The following EDIL3 variants were observed in gnomAD, a reference collection of about 807,000 sequenced individuals.
EDIL3 encodes the protein EGF-like repeat and discoidin I-like domain-containing protein 3.
A neutral mutation model predicts 67.4 loss-of-function variants in EDIL3; 37 were observed. The observed-to-expected ratio is 0.55, with a 90% CI of 0.42 to 0.72. The LOEUF is 0.72. EDIL3 is among the 30% of genes least tolerant of loss of function. The pLI, the probability that EDIL3 is intolerant of heterozygous loss-of-function variation, is 0.00. For synonymous variants in EDIL3, 195 were observed against 196.3 expected, an observed-to-expected ratio of 0.99 and a Z score of 0.05; for missense variants, 527 against 586.3, an observed-to-expected ratio of 0.90 and a Z score of 1.04.
At chr5:84,085,710 G>A (rs1171043277) in intron 6 of EDIL3, among the ~76,000 whole-genome samples, 1 of 152,194 alleles carries the variant, frequency 6.6e-6, no homozygotes, top group African/African-American at 2.4e-5. Flanking sequence ...GCGCTGTGCT[G>A]GGAGAATCCC....
chr5:84,122,516 A>G (rs1157396003), intron 5 of EDIL3, among the ~76,000 whole-genome samples: 1 of 151,860 alleles, frequency 6.6e-6, no homozygotes, highest in Non-Finnish European at 1.5e-5. Context: ...CATGGAGAGT[A>G]TCTTTATTTC....
intron 5 of EDIL3, among the ~76,000 whole-genome samples, chr5:84,112,372 A>C (rs1021818436): frequency 2.0e-5 from 3 of 152,218 alleles, no homozygotes; most frequent in Non-Finnish European, 4.4e-5. Context: ...ACTAGTAATG[A>C]TTAGATGCAA....
rs367790675 is a variant in EDIL3, at chr5:84,180,432, T to G, written c.316A>C (p.Lys106Gln). The G allele has an allele frequency of 6.2e-7, 1 of 1,607,300 alleles. No individual in the cohort carries two copies. The highest frequency in any genetic ancestry group is 1.3e-5 in the African/African-American group (1 of 74,660). The change falls in exon 4 of 11, where the codon AAA (lysine) becomes CAA (glutamine). Residue 106 changes from lysine (K) to glutamine (Q), a missense_variant. By Grantham distance (53) the Lys-to-Gln change is moderately conservative (BLOSUM62 1). Around this residue, in one of 2 missense-constraint regions of EDIL3, gnomAD observed 494 missense variants for 522.5 expected, o/e 0.95. Coordinates refer to ENST00000296591, the MANE Select transcript of EDIL3 (RefSeq NM_005711.5). ...ATCCCATTAAATCCTCGGGGACATT[T>G]ACAAACATAGCCTATGAATGTATCC... ...RGDTFIGYVC[K>Q]CPRGFNGIHC...
At chr5:84,199,760 A>G (rs1580373404) in intron 3 of EDIL3, among the ~76,000 whole-genome samples, 1 of 152,016 alleles carries the variant, frequency 6.6e-6, no homozygotes, top group East Asian at 1.9e-4. Context: ...CGTGGGATTG[A>G]AGGGACTTTA....
At chr5:84,304,430 T>C (rs1417593578) in intron 1 of EDIL3, among the ~76,000 whole-genome samples, 1 of 152,192 alleles carries the variant, frequency 6.6e-6, no homozygotes, top group Non-Finnish European at 1.5e-5. Context: ...TTAGCTGACA[T>C]GCACGACGGA....
intron 10 of EDIL3, among the ~76,000 whole-genome samples, chr5:83,950,631 C>G (rs770938571): frequency 6.6e-6 from 1 of 151,770 alleles, no homozygotes; most frequent in Non-Finnish European, 1.5e-5. Flanking sequence ...CTGTTAGGTT[C>G]TACTCTCTCT....
At chr5:84,074,754 C>T (rs546626021) in intron 6 of EDIL3, among the ~76,000 whole-genome samples, 66 of 152,094 alleles carry the variant, frequency 4.3e-4, no homozygotes, top group Non-Finnish European at 6.9e-4. Flanking sequence ...GTTGGTGGGA[C>T]GGTAAACTAG....
At chr5:84,156,381 T>C (rs1268210836) in intron 4 of EDIL3, among the ~76,000 whole-genome samples, 1 of 152,184 alleles carries the variant, frequency 6.6e-6, no homozygotes, top group East Asian at 1.9e-4. Flanking sequence ...CATTTCAGAC[T>C]TTTCCAGATC....
intron 1 of EDIL3, among the ~76,000 whole-genome samples, chr5:84,350,383 A>G (rs1747330051): frequency 6.6e-6 from 1 of 152,040 alleles, no homozygotes; most frequent in Non-Finnish European, 1.5e-5. Flanking sequence ...GTATTCTTTG[A>G]TATATCTAGT....
chr5:83,960,818 GT>G (rs1274849118), intron 10 of EDIL3, among the ~76,000 whole-genome samples: 1 of 150,860 alleles, frequency 6.6e-6, no homozygotes, highest in Non-Finnish European at 1.5e-5. Flanking sequence ...AAAAATAGAT[GT>G]GACAAATAGG....
In EDIL3 at chr5:84,049,985, G is replaced by C. The variant is rs991087382; in HGVS notation, c.1137+10315C>G. Among the ~76,000 whole-genome samples the C allele has an allele frequency of 2.6e-5, 4 of 151,970 alleles. No homozygotes were observed. In the East Asian group the frequency reaches 7.8e-4, roughly 30 times the overall value. ...GAGGCCGAGACGGGTGGATCATGAG[G>C]TCAGGAGATCGAGACCATCCTGGCT... On this transcript the variant is annotated intron_variant, in intron 9 of 10. Transcript: ENST00000296591.
chr5:83,999,160 C>A (rs556756400), intron 9 of EDIL3, among the ~76,000 whole-genome samples: 4 of 152,082 alleles, frequency 2.6e-5, no homozygotes, highest in Non-Finnish European at 5.9e-5. Flanking sequence ...AATTGGAAAA[C>A]CTTCCTAAGA....
rs190102263 is a variant in EDIL3, at chr5:84,132,388, T to A, written c.469+4853A>T. On this transcript the variant is annotated intron_variant, in intron 5 of 10. Transcript: ENST00000296591. ...ATTATATATATTATATATAATATAT[T>A]TTATATATAATATATATTTTAACAT... Among the ~76,000 whole-genome samples the A allele has an allele frequency of 1.4e-3, 63 of 44,782 alleles. 1 individual carries two copies. Among genetic ancestry groups the A allele is most frequent in the African/African-American group, 3.6e-3 (41 of 11,452 alleles). The allele number at this position is 44,782 out of a possible 152,430, so 29.4% of individuals were successfully genotyped here. A position where few individuals can be genotyped will look rare whatever the true frequency, so the allele number is the denominator to read the frequency against.
chr5:84,342,893 T>C (rs1747154282), intron 1 of EDIL3, among the ~76,000 whole-genome samples: 1 of 152,112 alleles, frequency 6.6e-6, no homozygotes, highest in African/African-American at 2.4e-5. Flanking sequence ...AAAATCAAGC[T>C]CTTTGCCAGA....
At chr5:84,294,202 T>G (rs1745989511) in intron 1 of EDIL3, among the ~76,000 whole-genome samples, 1 of 151,430 alleles carries the variant, frequency 6.6e-6, no homozygotes, top group African/African-American at 2.4e-5. Flanking sequence ...GCTAACATGG[T>G]GAAACCCCGT....
intron 1 of EDIL3, among the ~76,000 whole-genome samples, chr5:84,296,877 AT>A (rs1483683469): frequency 6.6e-6 from 1 of 152,142 alleles, no homozygotes; most frequent in African/African-American, 2.4e-5. Context: ...ACTTAAGCAA[AT>A]TTTTAAGAAA....
intron 5 of EDIL3, among the ~76,000 whole-genome samples, chr5:84,112,936 T>TCATTTA (rs570001508): frequency 3.5e-4 from 54 of 152,278 alleles, no homozygotes; most frequent in African/African-American, 1.3e-3. Flanking sequence ...TAATTAAAAA[T>TCATTTA]CATTTACACT....
intron 6 of EDIL3, among the ~76,000 whole-genome samples, chr5:84,076,989 G>A (rs1746872352): frequency 1.3e-5 from 2 of 152,264 alleles, no homozygotes; most frequent in Middle Eastern, 3.4e-3. Context: ...TCATCACACA[G>A]AATACTATAG....
intron 1 of EDIL3, among the ~76,000 whole-genome samples, chr5:84,295,801 T>C (rs972166160): frequency 6.6e-6 from 1 of 152,192 alleles, no homozygotes; most frequent in Non-Finnish European, 1.5e-5. Context: ...CACCATTTGC[T>C]ATGTTTTAAT....
Sources: gnomAD v4.1 joint callset for allele counts (sites outside exome capture counted in the v4.1 genomes callset) on GRCh38, gnomAD v4.1.1 for gene constraint, gnomAD v4.1.1 regional missense constraint, MANE v1.5 for transcripts, NCBI Gene and HGNC (gene_info 2026-07-23, HGNC 2026-07-21) for gene names.